Variants in ADGRL3 observed in about 807,000 individuals in gnomAD.
ADGRL3 encodes the protein adhesion G protein-coupled receptor L3.
A neutral mutation model predicts 153.5 loss-of-function variants in ADGRL3; 62 were observed. That is an observed-to-expected ratio of 0.40 (90% CI 0.33 to 0.50). ADGRL3 has a LOEUF of 0.50. Among genes scored for constraint, ADGRL3 ranks in the 20% least tolerant of loss-of-function variants. The pLI is 0.47. For missense variants in ADGRL3, 1,641 were observed against 1,859.4 expected (o/e 0.88, Z 2.16); for synonymous variants, 710 against 672.5 (o/e 1.06, Z -0.86).
intron 4 of ADGRL3, among the ~76,000 whole-genome samples, chr4:61,581,922 AC>A (rs1192435768): frequency 6.6e-6 from 1 of 152,004 alleles, no homozygotes; most frequent in Non-Finnish European, 1.5e-5. Context: ...TATCTTTATT[AC>A]TATGAAATAG....
intron 1 of ADGRL3, among the ~76,000 whole-genome samples, chr4:61,206,523 T>C (rs1214744478): frequency 6.6e-6 from 1 of 152,210 alleles, no homozygotes; most frequent in Non-Finnish European, 1.5e-5. Flanking sequence ...CTTTCACTCA[T>C]ATTCTTTAAC....
intron 1 of ADGRL3, among the ~76,000 whole-genome samples, chr4:61,204,512 C>T (rs989867964): frequency 6.6e-6 from 1 of 152,156 alleles, no homozygotes; most frequent in Non-Finnish European, 1.5e-5. Flanking sequence ...CATGTGTTCC[C>T]TAGCAGTCAT....
intron 4 of ADGRL3, among the ~76,000 whole-genome samples, chr4:61,525,208 G>C (rs1032964596): frequency 6.6e-6 from 1 of 152,046 alleles, no homozygotes; most frequent in Non-Finnish European, 1.5e-5. Flanking sequence ...GATTGATAAA[G>C]CTCTTTTAGA....
intron 1 of ADGRL3, among the ~76,000 whole-genome samples, chr4:61,271,183 A>G (rs1411286351): frequency 6.6e-6 from 1 of 151,786 alleles, no homozygotes; most frequent in Admixed American, 6.6e-5. Context: ...GAAAAATGAA[A>G]TTGTGAAATT....
At chr4:61,852,368 G>T (rs1306895303) in intron 9 of ADGRL3, among the ~76,000 whole-genome samples, 1 of 151,868 alleles carries the variant, frequency 6.6e-6, no homozygotes, top group Non-Finnish European at 1.5e-5. Flanking sequence ...AGGCTGGAGT[G>T]CCGTGGCACA....
chr4:61,706,448 T>C (rs967730894), intron 6 of ADGRL3, among the ~76,000 whole-genome samples: 1 of 151,344 alleles, frequency 6.6e-6, no homozygotes, highest in African/African-American at 2.4e-5. Context: ...AAAAGGCTGT[T>C]CTATCTACAT....
At chr4:61,634,420 A>G (rs2093326957) in intron 5 of ADGRL3, among the ~76,000 whole-genome samples, 1 of 152,176 alleles carries the variant, frequency 6.6e-6, no homozygotes, top group Non-Finnish European at 1.5e-5. Flanking sequence ...CTTACATGCA[A>G]AGAGGCCATC....
intron 4 of ADGRL3, among the ~76,000 whole-genome samples, chr4:61,553,155 G>A (rs1257567593): frequency 1.3e-5 from 2 of 152,122 alleles, no homozygotes; most frequent in Non-Finnish European, 2.9e-5. Flanking sequence ...TTACTAAATT[G>A]CCTGGACAGA....
chr4:61,444,845 G>A (rs1002661518), intron 2 of ADGRL3, among the ~76,000 whole-genome samples: 1 of 152,098 alleles, frequency 6.6e-6, no homozygotes, highest in Admixed American at 6.6e-5. Flanking sequence ...TTGAGCTCAA[G>A]GGTTCCAGAC....
chr4:61,583,827 C>T, intron 4 of ADGRL3: 3 of 489,550 alleles, frequency 6.1e-6, no homozygotes, highest in South Asian at 3.0e-5. Context: ...TAACAGATTA[C>T]CTCATGGAAT....
intron 19 of ADGRL3, among the ~76,000 whole-genome samples, chr4:61,993,586 C>G (rs1198502420): frequency 6.6e-6 from 1 of 151,998 alleles, no homozygotes; most frequent in Non-Finnish European, 1.5e-5. Flanking sequence ...GCCACATGCC[C>G]AGCCTCCTTC....
rs1414051285 is a variant in ADGRL3, at chr4:61,202,498, G to A, written c.-240+733G>A. Among the ~76,000 whole-genome samples the A allele has an allele frequency of 2.0e-5, 3 of 152,166 alleles. No homozygotes were observed. Among genetic ancestry groups the A allele is most frequent in the Non-Finnish European group, 4.4e-5 (3 of 68,040 alleles). ...TGGCCCGGGCTGCGCTGTGCTGGTA[G>A]TGGGCACTGGGCGGGGGGCGGCGGT... On this transcript the variant is annotated intron_variant, in intron 1 of 26. Coordinates refer to ENST00000683033, the MANE Select transcript of ADGRL3 (RefSeq NM_001387552.1). This position sits in a 1 kb window ranked among gnomAD's most constrained non-coding sequence, Gnocchi z 5.0.
rs555355561 is a variant in ADGRL3, at chr4:61,772,943, T to A, written c.1399+39389T>A. ...AATATTATGTTTAAAATACCCTGTTTAAAAAATACCATGTTTTACATACCT... is the reference window on the plus strand; with the variant it reads ...AATATTATGTTTAAAATACCCTGTTAAAAAAATACCATGTTTTACATACCT... On this transcript the variant is annotated intron_variant, in intron 8 of 26. Transcript: ENST00000683033. 5.3e-5 allele frequency among the ~76,000 whole-genome samples: 8 copies of A among 152,308 alleles called. 1 individual carries two copies. Among genetic ancestry groups the A allele is most frequent in the Admixed American group, 4.6e-4 (7 of 15,290 alleles).
At chr4:61,420,473 C>A (rs1334590614) in intron 2 of ADGRL3, 1 of 138,306 alleles carries the variant, frequency 7.2e-6, no homozygotes, top group Non-Finnish European at 1.5e-5. Context: ...GTGGCGCCAT[C>A]TCGTCTCACT....
chr4:61,899,613 C>T (rs1398505108), intron 11 of ADGRL3, among the ~76,000 whole-genome samples: 1 of 152,094 alleles, frequency 6.6e-6, no homozygotes, highest in Non-Finnish European at 1.5e-5. Flanking sequence ...AAGGGTGAAC[C>T]ACTTCTTTCT....
intron 17 of ADGRL3, among the ~76,000 whole-genome samples, chr4:61,969,167 G>T (rs1173531665): frequency 6.6e-6 from 1 of 152,050 alleles, no homozygotes; most frequent in African/African-American, 2.4e-5. Context: ...CTTTGAATCA[G>T]AAAAAAGTAA....
chr4:62,031,658 A>G, intron 23 of ADGRL3, 48 bp downstream of exon 23: 1 of 1,313,952 alleles, frequency 7.6e-7, no homozygotes, highest in Non-Finnish European at 1.1e-6. Flanking sequence ...ACATTTCATG[A>G]TAGCAAAGCA....
intron 11 of ADGRL3, among the ~76,000 whole-genome samples, chr4:61,901,772 G>T (rs2098665972): frequency 6.6e-6 from 1 of 152,036 alleles, no homozygotes. Flanking sequence ...ATCTGTCTCT[G>T]TCATAATTAT....
intron 13 of ADGRL3, among the ~76,000 whole-genome samples, chr4:61,922,569 A>G (rs568835312): frequency 6.6e-6 from 1 of 152,296 alleles, no homozygotes; most frequent in East Asian, 1.9e-4. Flanking sequence ...ATATCATATT[A>G]CATTTAATTA....
Sources: gnomAD v4.1 joint callset for allele counts (sites outside exome capture counted in the v4.1 genomes callset) on GRCh38, gnomAD v4.1.1 for gene constraint, Gnocchi (gnomAD v3.1) non-coding constraint, MANE v1.5 for transcripts, NCBI Gene and HGNC (gene_info 2026-07-23, HGNC 2026-07-21) for gene names.